The following STOX2 variants were observed in gnomAD, a reference collection of about 807,000 sequenced individuals.
STOX2 encodes the protein storkhead box 2.
STOX2 carries 28 observed loss-of-function variants against 60.9 expected under a neutral mutation model. The ratio of observed to expected loss-of-function variants is 0.46; its 90% CI spans 0.34 to 0.63. The LOEUF is 0.63. Ranked by LOEUF, STOX2 falls within the 30% of genes least tolerant of loss-of-function variation. STOX2 has a pLI of 0.01. For synonymous variants in STOX2, 472 were observed against 463.9 expected, an observed-to-expected ratio of 1.02 and a Z score of -0.22; for missense variants, 1,024 against 1,187.7, an observed-to-expected ratio of 0.86 and a Z score of 2.03.
At chr4:183,987,199 G>A (rs1225002582) in intron 1 of STOX2, among the ~76,000 whole-genome samples, 2 of 152,078 alleles carry the variant, frequency 1.3e-5, no homozygotes, top group Non-Finnish European at 1.5e-5. Flanking sequence ...CATTTTTCTC[G>A]GGTTTTATGT....
chr4:183,867,742 GTGCTCCCT>G (rs1560854345), intron 1 of STOX2, among the ~76,000 whole-genome samples: 1 of 152,056 alleles, frequency 6.6e-6, no homozygotes, highest in Non-Finnish European at 1.5e-5. Flanking sequence ...AGTATTAATC[GTGCTCCCT>G]TGCTGCTCCA....
chr4:184,001,222 C>A lies in STOX2; in HGVS notation c.167-103C>A. 9.0e-7 allele frequency: 1 copy of A among 1,113,832 alleles called. No individual in the cohort carries two copies. The highest frequency in any genetic ancestry group is 1.3e-6 in the Non-Finnish European group (1 of 763,802). The allele number at this position is 1,113,832 out of a possible 1,614,324, so 69.0% of individuals were successfully genotyped here. A position where few individuals can be genotyped will look rare whatever the true frequency, so the allele number is the denominator to read the frequency against. ...AAGCAGCTGCTATGTTCGGAGCTGA[C>A]TGTGTTCGTCAGACCAGGGCCAGAT... On this transcript the variant is annotated intron_variant, in intron 1 of 3. Coordinates refer to ENST00000308497, the MANE Select transcript of STOX2 (RefSeq NM_020225.3). The surrounding 1 kb of genome is among the most constrained non-coding windows in gnomAD (Gnocchi z 4.2).
intron 1 of STOX2, among the ~76,000 whole-genome samples, chr4:183,946,075 A>G (rs1468865547): frequency 6.6e-6 from 1 of 152,168 alleles, no homozygotes; most frequent in Non-Finnish European, 1.5e-5. Context: ...AATGTTTCCT[A>G]GGTCTAACAG....
At chr4:184,006,905 A>G (rs1733872181) in intron 2 of STOX2, among the ~76,000 whole-genome samples, 1 of 147,520 alleles carries the variant, frequency 6.8e-6, no homozygotes, top group African/African-American at 2.5e-5. Context: ...AGTCCCAGCT[A>G]CTTGGGAGGC....
intron 1 of STOX2, among the ~76,000 whole-genome samples, chr4:183,861,238 C>T (rs975352273): frequency 1.8e-4 from 28 of 152,184 alleles, no homozygotes; most frequent in Non-Finnish European, 5.9e-5. Context: ...CCCTAGATCT[C>T]AGAAGGAGCT....
At chr4:183,866,995 A>G (rs1337856424) in intron 1 of STOX2, among the ~76,000 whole-genome samples, 1 of 152,232 alleles carries the variant, frequency 6.6e-6, no homozygotes, top group Non-Finnish European at 1.5e-5. Context: ...TACAAATTAG[A>G]AAAAGGTCAT....
At chr4:183,807,916 C>T (rs944488386) in intron 1 of STOX2, among the ~76,000 whole-genome samples, 5 of 152,216 alleles carry the variant, frequency 3.3e-5, no homozygotes, top group Non-Finnish European at 5.9e-5. Context: ...AGGCCGCTTT[C>T]TTTGTGGATT....
At chr4:183,814,051 C>T (rs1404915368) in intron 1 of STOX2, among the ~76,000 whole-genome samples, 1 of 152,122 alleles carries the variant, frequency 6.6e-6, no homozygotes, top group Non-Finnish European at 1.5e-5. Flanking sequence ...AATAGAGTTA[C>T]TGCATCTTAC....
chr4:183,976,176 G>A (rs184201984), intron 1 of STOX2, among the ~76,000 whole-genome samples: 1 of 152,328 alleles, frequency 6.6e-6, no homozygotes, highest in Non-Finnish European at 1.5e-5. Context: ...GCTGAGCGTG[G>A]TGGCACATGC....
chr4:183,917,714 A>G (rs1439176752), intron 1 of STOX2, among the ~76,000 whole-genome samples: 1 of 152,244 alleles, frequency 6.6e-6, no homozygotes, highest in East Asian at 1.9e-4. Context: ...GAAGATGGCC[A>G]TAGTGTCAAG....
rs1734025906 is a variant in STOX2 at position 184,009,240 on chromosome 4, T to C, written c.402T>C (p.Asp134=). ...VRERKIYPTP[D]GYFIVTPQTY... is the part of the protein sequence containing the mutation. The stretch of plus-strand genomic sequence containing the variant: ...AGAGGAAGATCTACCCAACTCCAGA[T>C]GGCTACTTCATCGTGACCCCACAGA... The change falls in exon 3 of 4, where the codon GAT becomes GAC. Residue 134 remains aspartate, a synonymous_variant. Transcript: ENST00000308497. This position sits in a 1 kb window ranked among gnomAD's most constrained non-coding sequence, Gnocchi z 4.0. 2 of 1,564,698 alleles carry C rather than the reference T, an allele frequency of 1.3e-6. No homozygotes were observed. The highest frequency in any genetic ancestry group is 1.7e-6 in the Non-Finnish European group (2 of 1,147,788).
At chr4:183,817,313 A>T (rs964671851) in intron 1 of STOX2, among the ~76,000 whole-genome samples, 1 of 152,204 alleles carries the variant, frequency 6.6e-6, no homozygotes, top group African/African-American at 2.4e-5. Context: ...GTTCAAAAGA[A>T]CGTGCCACAC....
At chr4:183,817,637 C>T (rs557725489) in intron 1 of STOX2, among the ~76,000 whole-genome samples, 1 of 152,302 alleles carries the variant, frequency 6.6e-6, no homozygotes, top group African/African-American at 2.4e-5. Flanking sequence ...AATTTGATGA[C>T]ACTCTCAAGA....
chr4:183,989,865 C>G (rs1192021767), intron 1 of STOX2, among the ~76,000 whole-genome samples: 1 of 152,158 alleles, frequency 6.6e-6, no homozygotes, highest in Admixed American at 6.5e-5. Flanking sequence ...TGGCTTTACC[C>G]CCTCATCACA....
intron 1 of STOX2, among the ~76,000 whole-genome samples, chr4:183,945,762 C>T (rs1419739314): frequency 4.6e-5 from 7 of 152,180 alleles, no homozygotes; most frequent in East Asian, 1.9e-4. Context: ...GGTTCTAAGA[C>T]GCTGGGAAAT....
At chr4:183,851,547 A>G (rs549932723) in intron 1 of STOX2, among the ~76,000 whole-genome samples, 3 of 86,040 alleles carry the variant, frequency 3.5e-5, no homozygotes, top group African/African-American at 1.5e-4. Flanking sequence ...GAGGGAAAGG[A>G]TGAGAGAAAC....
chr4:184,008,811 A>G (rs1202217739), intron 2 of STOX2, among the ~76,000 whole-genome samples: 3 of 152,194 alleles, frequency 2.0e-5, no homozygotes, highest in African/African-American at 7.2e-5. Context: ...TTCATATCAT[A>G]TCATGGGAAA....
chr4:183,920,869 C>A (rs1742080872), intron 1 of STOX2, among the ~76,000 whole-genome samples: 1 of 152,108 alleles, frequency 6.6e-6, no homozygotes, highest in African/African-American at 2.4e-5. Context: ...ATAGCTGGGA[C>A]CAAACAACTC....
At chr4:183,892,049 T>C (rs548625098) in intron 1 of STOX2, among the ~76,000 whole-genome samples, 5 of 152,350 alleles carry the variant, frequency 3.3e-5, no homozygotes, top group African/African-American at 1.2e-4. Flanking sequence ...CTGTCCGGGA[T>C]ATTCCAGAGC....
Sources: allele counts gnomAD v4.1 joint callset (sites outside exome capture counted in the v4.1 genomes callset), GRCh38; gene constraint gnomAD v4.1.1; non-coding constraint Gnocchi (gnomAD v3.1); transcripts MANE v1.5; gene names NCBI Gene and HGNC (gene_info 2026-07-23, HGNC 2026-07-21).